The following KNDC1 variants were observed in gnomAD, a reference collection of about 807,000 sequenced individuals.
The protein encoded by KNDC1 is kinase non-catalytic C-lobe domain containing 1.
In KNDC1, 106 loss-of-function variants were observed where a neutral mutation model predicts 172.8. The observed-to-expected ratio is 0.61, with a 90% CI of 0.52 to 0.72. The LOEUF (loss-of-function observed/expected upper bound fraction) is 0.72, where lower values mean the gene tolerates loss of function less well. Ranked by LOEUF, KNDC1 falls within the 30% of genes least tolerant of loss-of-function variation. The probability of loss-of-function intolerance (pLI) is 0.00; values close to 1 mark genes in which losing one functional copy is unlikely to be tolerated. For synonymous variants in KNDC1, 1,083 were observed against 1,062.2 expected, an observed-to-expected ratio of 1.02 and a Z score of -0.38; for missense variants, 2,325 against 2,394.5, an observed-to-expected ratio of 0.97 and a Z score of 0.61.
chr10:133,208,784 C>T (rs566921830), intron 20 of KNDC1, among the ~76,000 whole-genome samples: 3 of 152,212 alleles, frequency 2.0e-5, no homozygotes, highest in East Asian at 3.9e-4. Context: ...CAGTGTGGTG[C>T]GTTCTTGGTG....
chr10:133,181,750 G>A (rs568270692), intron 3 of KNDC1, among the ~76,000 whole-genome samples: 97 of 152,188 alleles, frequency 6.4e-4, no homozygotes, highest in African/African-American at 2.3e-3. Flanking sequence ...GAAGAGATGC[G>A]TGTCCAGCTG....
At chr10:133,213,235 C>T (rs1300604229) in intron 24 of KNDC1, among the ~76,000 whole-genome samples, 1 of 152,228 alleles carries the variant, frequency 6.6e-6, no homozygotes. Flanking sequence ...GGCGCTGAGT[C>T]TCTCCCCCCA....
intron 6 of KNDC1, 106 bp from the exon 7 acceptor site, chr10:133,188,432 AG>A: frequency 1.4e-6 from 1 of 690,252 alleles, no homozygotes. Context: ...GCGCCTACTC[AG>A]GGGCTGAGTG....
At chr10:133,189,507 G>A (rs956275717) in intron 7 of KNDC1, 91 bp from the exon 8 acceptor site, 41 of 1,257,934 alleles carry the variant, frequency 3.3e-5, no homozygotes, top group Middle Eastern at 5.3e-4. Flanking sequence ...GGGGCTGCCC[G>A]GCCTGACTGA....
intron 26 of KNDC1, among the ~76,000 whole-genome samples, chr10:133,217,911 C>T (rs1564901137): frequency 6.6e-6 from 1 of 152,060 alleles, no homozygotes; most frequent in Non-Finnish European, 1.5e-5. Flanking sequence ...CCTGTCTCCA[C>T]TAAAAATACA....
Position 133,201,681 on chromosome 10 carries a change from C to A in KNDC1, c.3170C>A (p.Ala1057Asp). 1 of 1,612,428 alleles carries A rather than the reference C, an allele frequency of 6.2e-7. No homozygotes were observed. Among genetic ancestry groups the A allele is most frequent in the Non-Finnish European group, 8.5e-7 (1 of 1,179,804 alleles). The change falls in exon 17 of 30, where the codon GCT becomes GAT. Residue 1057 changes from alanine to aspartate, a missense_variant. By Grantham distance (126) the Ala-to-Asp change is moderately radical (BLOSUM62 -2). Transcript: ENST00000304613. ...GAGGCTGGCGAGGACAGACGGCCAG[C>A]TGGCGGGGCCTCAGACGTGGAGGCA... is the stretch of plus-strand genomic sequence containing the variant. ...QPEAGEDRRPAGGASDVEAVT... is the reference protein window; with the variant it reads ...QPEAGEDRRPDGGASDVEAVT...
chr10:133,163,044 C>A lies in KNDC1; in HGVS notation c.102+2475C>A, dbSNP rs1296594404. On this transcript the variant is annotated intron_variant, in intron 1 of 29. Coordinates refer to ENST00000304613, the MANE Select transcript of KNDC1 (RefSeq NM_152643.8). The surrounding 1 kb of genome is among the most constrained non-coding windows in gnomAD (Gnocchi z 4.4). ...TGCAAGGAGGGCTTCCTGGAGGTGT[C>A]CTGCCCGGGATTCCCATGAGATTTC... Among the ~76,000 whole-genome samples, 1 of 146,774 alleles carries A rather than the reference C, an allele frequency of 6.8e-6. No homozygotes were observed. The highest frequency in any genetic ancestry group is 2.0e-4 in the East Asian group (1 of 4,934).
chr10:133,177,448 ATGCATCTTGTACATGTATGCCATGTG>A (rs1853572420), intron 3 of KNDC1, among the ~76,000 whole-genome samples: 1 of 149,184 alleles, frequency 6.7e-6, no homozygotes, highest in Non-Finnish European at 1.5e-5. Flanking sequence ...GTAATGTGGT[ATGCATCTTGTACATGTATGCCATGTG>A]TGCATGCATG....
Position 133,206,785 on chromosome 10 carries a change from C to A in KNDC1, c.3481+7C>A. 1 of 1,613,810 alleles carries A rather than the reference C, an allele frequency of 6.2e-7. No individual in the cohort carries two copies. Among genetic ancestry groups the A allele is most frequent in the East Asian group, 2.2e-5 (1 of 44,882 alleles). On this transcript the variant is annotated splice_region_variant and intron_variant, in intron 18 of 29. Coordinates refer to ENST00000304613, the MANE Select transcript of KNDC1 (RefSeq NM_152643.8). ...AAGGAAAAGAGGAACAAAGGTAAGG[C>A]CCCTGTGGGCACAGGTCCGAGACCC...
In KNDC1 at chr10:133,167,552, A is replaced by C. The variant is rs921018861; in HGVS notation, c.274A>C (p.Asn92His). The C allele has an allele frequency of 6.2e-7, 1 of 1,600,698 alleles. No individual in the cohort carries two copies. The highest frequency in any genetic ancestry group is 1.3e-5 in the African/African-American group (1 of 74,670). The change falls in exon 2 of 30, where the codon AAC becomes CAC. Residue 92 changes from asparagine to histidine, a missense_variant. Coordinates refer to ENST00000304613, the MANE Select transcript of KNDC1 (RefSeq NM_152643.8). ...CACCCTGGCCTTCAACACCAGCGGG[A>C]ACGTGTGTTTCATGGAGCAGCTCAG... ...PDTLAFNTSG[N>H]VCFMEQLSDD...
Position 133,215,923 on chromosome 10 carries a change from C to T in KNDC1, c.4677+1801C>T, listed in dbSNP as rs1034314535. 3.3e-5 allele frequency among the ~76,000 whole-genome samples: 5 copies of T among 152,374 alleles called. No individual in the cohort carries two copies. In the Middle Eastern group the frequency reaches 0.01, roughly 311 times the overall value. On this transcript the variant is annotated intron_variant, in intron 26 of 29. Coordinates refer to ENST00000304613, the MANE Select transcript of KNDC1 (RefSeq NM_152643.8). ...CCGTTAGCAAAAGGGAGCTGCGGAT[C>T]GCTCAGAACAGGCCCCTCACCTCCT...
intron 9 of KNDC1, 137 bp downstream of exon 9, chr10:133,189,950 G>C: frequency 2.6e-6 from 2 of 756,874 alleles, no homozygotes; most frequent in Non-Finnish European, 4.5e-6. Context: ...GCCACAGGCG[G>C]TATCTGCCAG....
At position 133,201,912 on chromosome 10, in the gene KNDC1, C is replaced by G. The variant is rs1485131487; in HGVS notation, c.3387+14C>G. 6.6e-7 allele frequency: 1 copy of G among 1,508,296 alleles called. No individual in the cohort carries two copies. Among genetic ancestry groups the G allele is most frequent in the African/African-American group, 1.4e-5 (1 of 72,066 alleles). 93.4% of individuals were successfully genotyped at this position (1,508,296 alleles called of 1,614,324 possible). On this transcript the variant is annotated intron_variant, in intron 17 of 29. Coordinates refer to ENST00000304613, the MANE Select transcript of KNDC1 (RefSeq NM_152643.8). ...GCCCAGAGCCCGGTGAGTCCCAGGCCTTGGCACTGCCGGGTGGGGCAGGGC... is the reference window on the plus strand; with the variant it reads ...GCCCAGAGCCCGGTGAGTCCCAGGCGTTGGCACTGCCGGGTGGGGCAGGGC...
intron 7 of KNDC1, among the ~76,000 whole-genome samples, 169 bp from the exon 8 acceptor site, chr10:133,189,429 C>A (rs1034434699): frequency 5.3e-5 from 8 of 152,154 alleles, no homozygotes; most frequent in Non-Finnish European, 1.2e-4. Flanking sequence ...GCTCCGAGGA[C>A]CCCGGGGGCT....
rs762513662 is a variant in KNDC1 at position 133,219,044 on chromosome 10, T to C, written c.4814T>C (p.Leu1605Pro). The C allele has an allele frequency of 2.3e-5, 37 of 1,613,944 alleles. No homozygotes were observed. Among genetic ancestry groups the C allele is most frequent in the Non-Finnish European group, 2.9e-5 (34 of 1,179,990 alleles). Residue 1605 changes from leucine (L) to proline (P), a missense_variant, in exon 28 of 30, where the codon CTG (leucine) becomes CCG (proline). Leu to Pro is a moderately conservative substitution (Grantham distance 98, BLOSUM62 -3). Coordinates refer to ENST00000304613, the MANE Select transcript of KNDC1 (RefSeq NM_152643.8). ...AVRQSPAWRI[L>P]PAKIAEVMEE... ...CTTTCATTTCAGGCCTGGAGAATTC[T>C]GCCTGCAAAGATAGCAGAGGTCATG...
At chr10:133,183,291 C>T (rs760662542) in intron 3 of KNDC1, 53 bp from the exon 4 acceptor site, 11 of 1,506,160 alleles carry the variant, frequency 7.3e-6, no homozygotes, top group Non-Finnish European at 8.9e-6. Flanking sequence ...TGGCCGCGGT[C>T]GGGGTGGCGC....
chr10:133,187,402 G>A (rs1415435898), intron 6 of KNDC1, among the ~76,000 whole-genome samples: 2 of 152,248 alleles, frequency 1.3e-5, no homozygotes, highest in Non-Finnish European at 2.9e-5. Context: ...GCTCCTCAGT[G>A]AGCCACCCCC....
intron 25 of KNDC1, 92 bp from the exon 26 acceptor site, chr10:133,213,880 C>G: frequency 6.5e-7 from 1 of 1,545,516 alleles, no homozygotes; most frequent in South Asian, 1.1e-5. Context: ...CCTCGTGGCC[C>G]GACCCCAGCC....
At chr10:133,207,853 C>T (rs1025105479) in intron 20 of KNDC1, among the ~76,000 whole-genome samples, 5 of 152,194 alleles carry the variant, frequency 3.3e-5, no homozygotes, top group Non-Finnish European at 5.9e-5. Flanking sequence ...GAGGAGCCGC[C>T]GGGCCCACTC....
Sources: allele counts gnomAD v4.1 joint callset (sites outside exome capture counted in the v4.1 genomes callset), GRCh38; gene constraint gnomAD v4.1.1; non-coding constraint Gnocchi (gnomAD v3.1); transcripts MANE v1.5; gene names NCBI Gene and HGNC (gene_info 2026-07-23, HGNC 2026-07-21).